EVL: variants seen among roughly 807,000 people sequenced by gnomAD.
EVL encodes Enah/Vasp-like.
Under a neutral mutation model 59.6 loss-of-function variants are expected in EVL, and 21 were observed. The ratio of observed to expected loss-of-function variants is 0.35; its 90% CI spans 0.25 to 0.51. The LOEUF is 0.51. Among genes scored for constraint, EVL ranks in the 20% least tolerant of loss-of-function variants. The pLI is 0.97. For missense variants in EVL, 462 were observed against 546.6 expected (o/e 0.85, Z 1.54); for synonymous variants, 198 against 203.5 (o/e 0.97, Z 0.23).
chr14:100,079,484 A>G (rs1051511513), intron 1 of EVL, among the ~76,000 whole-genome samples: 1 of 152,156 alleles, frequency 6.6e-6, no homozygotes, highest in African/African-American at 2.4e-5. Flanking sequence ...ACCTCAGCAG[A>G]TTCGGAGAGG....
At chr14:100,084,508 C>G (rs955258797) in intron 1 of EVL, among the ~76,000 whole-genome samples, 179 bp from the exon 2 acceptor site, 4 of 152,224 alleles carry the variant, frequency 2.6e-5, no homozygotes, top group African/African-American at 9.7e-5. Context: ...ACTCTGCAAG[C>G]TCCTTAGAGA....
intron 1 of EVL, among the ~76,000 whole-genome samples, chr14:100,029,762 G>A (rs1043770217): frequency 2.0e-5 from 3 of 152,136 alleles, no homozygotes; most frequent in African/African-American, 4.8e-5. Flanking sequence ...GGAACAGGGG[G>A]ACAGTGTGCT....
intron 1 of EVL, among the ~76,000 whole-genome samples, chr14:100,049,212 T>C (rs907618941): frequency 3.3e-5 from 5 of 152,216 alleles, no homozygotes; most frequent in Admixed American, 3.3e-4. Context: ...TTTCTTTAAA[T>C]GTTCCTTAAA....
chr14:100,071,191 A>C (rs2062041907), intron 1 of EVL, among the ~76,000 whole-genome samples: 1 of 152,186 alleles, frequency 6.6e-6, no homozygotes, highest in Non-Finnish European at 1.5e-5. Context: ...GTCAGGGTTT[A>C]ACACTGAATG....
chr14:100,034,825 T>C (rs1037418743), intron 1 of EVL, among the ~76,000 whole-genome samples: 3 of 152,198 alleles, frequency 2.0e-5, no homozygotes, highest in Non-Finnish European at 2.9e-5. Context: ...TATTGGTAAT[T>C]ATTGTGTTAT....
At chr14:100,028,875 G>A (rs1017301753) in intron 1 of EVL, among the ~76,000 whole-genome samples, 2 of 152,206 alleles carry the variant, frequency 1.3e-5, no homozygotes, top group African/African-American at 4.8e-5. Flanking sequence ...AAGTGAGGCA[G>A]TGTTGTAGAT....
intron 1 of EVL, among the ~76,000 whole-genome samples, chr14:100,022,173 G>A (rs1020800706): frequency 2.0e-5 from 3 of 152,118 alleles, no homozygotes; most frequent in Admixed American, 6.5e-5. Flanking sequence ...TCCTGGGGCC[G>A]GCTCCATCAG....
intron 1 of EVL, among the ~76,000 whole-genome samples, chr14:100,038,542 G>A (rs920905491): frequency 2.0e-5 from 3 of 151,992 alleles, no homozygotes; most frequent in Non-Finnish European, 4.4e-5. Context: ...AACAAGTCTG[G>A]GTCCCATTTG....
chr14:100,129,581 G>A lies in EVL; in HGVS notation c.736G>A (p.Gly246Ser). 1 of 1,613,718 alleles carries A rather than the reference G, an allele frequency of 6.2e-7. No homozygotes were observed. The highest frequency in any genetic ancestry group is 1.1e-5 in the South Asian group (1 of 91,058). The change falls in exon 7 of 14, where the codon GGC becomes AGC. Residue 246 changes from glycine (G) to serine (S), a missense_variant. Gly to Ser is a moderately conservative substitution (Grantham distance 56). Transcript: ENST00000392920. ...TCCTCAGCCAGAAGACGCATCTGGAGGCTCCAGTCCCAGTGGGACCTCAAA... is the reference window on the plus strand; with the variant it reads ...TCCTCAGCCAGAAGACGCATCTGGAAGCTCCAGTCCCAGTGGGACCTCAAA... ...RVQRPEDASG[G>S]SSPSGTSKSD...
In EVL at chr14:100,130,821, C is replaced by T. The variant is rs531542638; in HGVS notation, c.839+1137C>T. Among the ~76,000 whole-genome samples the T allele has an allele frequency of 2.0e-5, 3 of 152,322 alleles. No homozygotes were observed. Among genetic ancestry groups the T allele is most frequent in the South Asian group, 2.1e-4 (1 of 4,826 alleles). Reference sequence around the variant, plus strand: ...GGAGCAGCAAGGTGGATCCGCAGCACGGGCGTCTCCGGAGCCTCTACTGGG... The same window carrying T: ...GGAGCAGCAAGGTGGATCCGCAGCATGGGCGTCTCCGGAGCCTCTACTGGG... On this transcript the variant is annotated intron_variant, in intron 7 of 13. Coordinates refer to ENST00000392920, the MANE Select transcript of EVL (RefSeq NM_016337.3). This position sits in a 1 kb window ranked among gnomAD's most constrained non-coding sequence, Gnocchi z 4.8.
At chr14:100,015,509 A>C (rs2061043581) in intron 1 of EVL, among the ~76,000 whole-genome samples, 1 of 152,186 alleles carries the variant, frequency 6.6e-6, no homozygotes, top group South Asian at 2.1e-4. Context: ...GGGTATTCTT[A>C]GGAATGACAC....
intron 1 of EVL, among the ~76,000 whole-genome samples, chr14:100,044,081 A>G (rs1595085397): frequency 1.3e-5 from 2 of 152,218 alleles, no homozygotes; most frequent in Admixed American, 6.5e-5. Context: ...ACACCCAGAA[A>G]TAACACTTTA....
In EVL at chr14:99,989,865, G is replaced by A. The variant is rs2060864242; in HGVS notation, c.5+17808G>A. ...TCACCCAGCTCCTGCTTTTATACTTGTAGTAGTAAGTCAGTCCGTGGATTA... is the reference window on the plus strand; with the variant it reads ...TCACCCAGCTCCTGCTTTTATACTTATAGTAGTAAGTCAGTCCGTGGATTA... On this transcript the variant is annotated intron_variant, in intron 1 of 13. Coordinates refer to the EVL transcript ENST00000402714. 2.6e-5 allele frequency among the ~76,000 whole-genome samples: 4 copies of A among 152,278 alleles called. 1 individual carries two copies. In the South Asian group the frequency reaches 8.3e-4, roughly 32 times the overall value.
intron 3 of EVL, among the ~76,000 whole-genome samples, chr14:100,121,610 GC>G (rs1318257874): frequency 6.6e-6 from 1 of 152,208 alleles, no homozygotes; most frequent in East Asian, 1.9e-4. Context: ...AGGTGCAGGG[GC>G]CAGAGCCCTC....
intron 1 of EVL, among the ~76,000 whole-genome samples, chr14:100,059,860 T>G (rs190730292): frequency 2.4e-4 from 36 of 152,300 alleles, no homozygotes; most frequent in African/African-American, 8.4e-4. Context: ...CAGAACAGAC[T>G]TCACATCTTT....
intron 4 of EVL, 107 bp from the exon 5 acceptor site, chr14:100,126,600 G>C: frequency 8.2e-7 from 1 of 1,226,774 alleles, no homozygotes; most frequent in South Asian, 1.3e-5. Context: ...GTGGAGCGCT[G>C]GCGAAACCTG....
At chr14:100,032,845 T>C (rs2061334971) in intron 1 of EVL, among the ~76,000 whole-genome samples, 1 of 152,192 alleles carries the variant, frequency 6.6e-6, no homozygotes, top group South Asian at 2.1e-4. Context: ...CTTAACTAGA[T>C]TGAGGGTTAC....
Position 100,137,594 on chromosome 14 carries a change from C to T in EVL, c.981C>T (p.Pro327=), listed in dbSNP as rs1355823420. 3.1e-6 allele frequency: 5 copies of T among 1,613,898 alleles called. No homozygotes were observed. The highest frequency in any genetic ancestry group is 1.6e-4 in the Middle Eastern group (1 of 6,082). ...PPNSSEAGRK[P]WERSNSVEKP... ...AACTGACAGAGGCTGGCCGGAAGCC[C>T]TGGGAGCGGAGCAACTCGGTGGAGA... The change falls in exon 10 of 14, where the codon CCC becomes CCT. Residue 327 remains proline (P), a synonymous_variant. Transcript: ENST00000392920.
chr14:100,026,718 T>G (rs751581450), intron 1 of EVL, among the ~76,000 whole-genome samples: 2 of 152,226 alleles, frequency 1.3e-5, no homozygotes, highest in Non-Finnish European at 2.9e-5. Context: ...CATGAGCTCC[T>G]TGAGGTCAGA....
Sources: allele counts gnomAD v4.1 joint callset (sites outside exome capture counted in the v4.1 genomes callset), GRCh38; gene constraint gnomAD v4.1.1; non-coding constraint Gnocchi (gnomAD v3.1); transcripts MANE v1.5; gene names NCBI Gene and HGNC (gene_info 2026-07-23, HGNC 2026-07-21).